The following MYOM1 variants were observed in gnomAD, a reference collection of about 807,000 sequenced individuals.
The protein encoded by MYOM1 is myomesin 1.
Under a neutral mutation model 205.3 loss-of-function variants are expected in MYOM1, and 164 were observed. The ratio of observed to expected loss-of-function variants is 0.80; its 90% CI spans 0.70 to 0.91. MYOM1 has a LOEUF of 0.91. MYOM1 is among the 40% of genes least tolerant of loss of function. MYOM1 has a pLI of 0.00. For synonymous variants in MYOM1, 772 were observed against 789.4 expected (o/e 0.98, Z 0.37); for missense variants, 2,011 against 2,127.3 (o/e 0.95, Z 1.08).
intron 21 of MYOM1, among the ~76,000 whole-genome samples, chr18:3,114,096 C>T (rs185420681): frequency 6.6e-6 from 1 of 152,256 alleles, no homozygotes; most frequent in East Asian, 1.9e-4. Context: ...AGAAATAATG[C>T]CAGGAAACTG....
the MYOM1 span, among the ~76,000 whole-genome samples, chr18:3,243,449 T>C: frequency 4.2e-4 from 64 of 152,362 alleles, no homozygotes; most frequent in African/African-American, 1.4e-3. Flanking sequence ...TTCCTTGCTG[T>C]TGTTTGGGTA....
chr18:3,159,944 T>C (rs927848317), intron 10 of MYOM1, among the ~76,000 whole-genome samples: 4 of 145,086 alleles, frequency 2.8e-5, no homozygotes, highest in Admixed American at 6.9e-5. Context: ...CTTCTCTCCT[T>C]CCCTCCTTCC....
Position 3,089,523 on chromosome 18 carries a change from C to T in MYOM1, c.4069+14G>A, listed in dbSNP as rs769946266. 2.5e-6 allele frequency: 4 copies of T among 1,598,370 alleles called. No individual in the cohort carries two copies. In the African/African-American group the frequency reaches 5.4e-5, roughly 21 times the overall value. ...AAATTAAAAATTTTCTCTTTATCCA[C>T]GGCCTATTTTTACCTTGTTTCCTGA... is the stretch of plus-strand genomic sequence containing the variant. On this transcript the variant is annotated intron_variant, in intron 28 of 37. Coordinates refer to ENST00000356443, the MANE Select transcript of MYOM1 (RefSeq NM_003803.4).
rs566978814 is a variant in MYOM1, at chr18:3,134,145, A to G, written c.2384+505T>C. 2.8e-4 allele frequency among the ~76,000 whole-genome samples: 43 copies of G among 152,170 alleles called. No homozygotes were observed. The South Asian group carries it at 3.1e-3, about 11-fold the overall frequency. On this transcript the variant is annotated intron_variant, in intron 16 of 37. Coordinates refer to ENST00000356443, the MANE Select transcript of MYOM1 (RefSeq NM_003803.4). ...AGCAATCCGCCCACCTTGGCCTCCC[A>G]AAGTGTTGAGATTACAGGCATGAGC... is the stretch of plus-strand genomic sequence containing the variant.
Position 3,188,721 on chromosome 18 carries a change from A to G in MYOM1, c.771+27T>C, listed in dbSNP as rs146289612. On this transcript the variant is annotated intron_variant, in intron 4 of 37. Coordinates refer to ENST00000356443, the MANE Select transcript of MYOM1 (RefSeq NM_003803.4). The stretch of plus-strand genomic sequence containing the variant: ...TTATGACATGCATTTCCACCTTTGT[A>G]AGTTACTTTAAACTGTCTTTTCTTA... 1.0e-3 allele frequency: 1,576 copies of G among 1,510,420 alleles called. 9 individuals carry two copies. In the African/African-American group the frequency reaches 0.018, roughly 17 times the overall value. The allele number at this position is 1,510,420 out of a possible 1,614,324, so 93.6% of individuals were successfully genotyped here.
At chr18:3,078,665 G>A (rs2079048117) in intron 34 of MYOM1, among the ~76,000 whole-genome samples, 1 of 151,856 alleles carries the variant, frequency 6.6e-6, no homozygotes, top group Admixed American at 6.6e-5. Flanking sequence ...TAAATTCCTG[G>A]CCTCAAGTGA....
At chr18:3,155,414 T>A (rs187726040) in intron 10 of MYOM1, among the ~76,000 whole-genome samples, 2,341 of 152,250 alleles carry the variant, frequency 0.015, 33 homozygotes, top group Non-Finnish European at 0.021. Flanking sequence ...TTGGTAGAGA[T>A]GGGGTTTCAC....
Position 3,176,130 on chromosome 18 carries a change from T to TATA in MYOM1, c.931_933dup (p.Tyr311dup). 6.3e-7 allele frequency: 1 copy of TATA among 1,593,356 alleles called. No individual in the cohort carries two copies. Among genetic ancestry groups the TATA allele is most frequent in the Non-Finnish European group, 8.6e-7 (1 of 1,161,174 alleles). On this transcript the variant is annotated inframe_insertion, in exon 6 of 38. Coordinates refer to ENST00000356443, the MANE Select transcript of MYOM1 (RefSeq NM_003803.4). Reference sequence around the variant, plus strand: ...TGGACATTTATTGGCACCTGGTTTTTATACCTATAACAGAATGGAAACAAA... The same window carrying TATA: ...TGGACATTTATTGGCACCTGGTTTTTATAATACCTATAACAGAATGGAAACAAA...
At chr18:3,097,710 T>A (rs2079323909) in intron 25 of MYOM1, among the ~76,000 whole-genome samples, 1 of 152,156 alleles carries the variant, frequency 6.6e-6, no homozygotes, top group African/African-American at 2.4e-5. Flanking sequence ...CCCAGCCGAA[T>A]GTCAGAGTTT....
rs1042731 is a variant in MYOM1, at chr18:3,066,946, T to C, written c.*316A>G. 0.54 allele frequency: 155,646 copies of C among 290,730 alleles called. 46,119 individuals carry two copies. The highest frequency in any genetic ancestry group is 0.89 in the African/African-American group (41,370 of 46,648). The allele number at this position is 290,730 out of a possible 1,614,324, so 18.0% of individuals were successfully genotyped here. ...GCTTCACAGCTGCAGCAAATCCCAA[T>C]TCGCCCCACGACACATTCGTCTGCC... On this transcript the variant is annotated 3_prime_UTR_variant, in exon 38 of 38. Coordinates refer to ENST00000356443, the MANE Select transcript of MYOM1 (RefSeq NM_003803.4).
chr18:3,174,443 C>T (rs1028474180), intron 6 of MYOM1, among the ~76,000 whole-genome samples: 5 of 151,976 alleles, frequency 3.3e-5, no homozygotes, highest in Non-Finnish European at 7.4e-5. Flanking sequence ...GGAGAGAACA[C>T]CTATAGTTCA....
chr18:3,235,027 G>C, the MYOM1 span, among the ~76,000 whole-genome samples: 1,789 of 151,970 alleles, frequency 0.012, 31 homozygotes, highest in African/African-American at 0.041. Context: ...AAAGTACTGG[G>C]ATTACAGGTG....
intron 10 of MYOM1, among the ~76,000 whole-genome samples, chr18:3,156,852 G>A (rs995628195): frequency 3.9e-5 from 6 of 151,924 alleles, no homozygotes; most frequent in Non-Finnish European, 5.9e-5. Context: ...CTTGTGATCC[G>A]CCCGCCTCGG....
intron 23 of MYOM1, among the ~76,000 whole-genome samples, chr18:3,101,855 G>C (rs2079380370): frequency 6.6e-6 from 1 of 151,966 alleles, no homozygotes; most frequent in African/African-American, 2.4e-5. Context: ...AGAGTTGTTA[G>C]TATTTATTTT....
chr18:3,099,242 T>A (rs1226885903), intron 25 of MYOM1, among the ~76,000 whole-genome samples: 3 of 152,226 alleles, frequency 2.0e-5, no homozygotes. Context: ...CAGTGGTGTG[T>A]GTTTTTAAAT....
In MYOM1 at chr18:3,123,131, C is replaced by T. The variant is rs1022360490; in HGVS notation, c.2992-3136G>A. On this transcript the variant is annotated intron_variant, in intron 19 of 37. Transcript: ENST00000356443. Reference sequence around the variant, plus strand: ...GTGAGCCACCATGCCCCCAGCACCACCACTTTTATTCAATATAGTGCTAAA... The same window carrying T: ...GTGAGCCACCATGCCCCCAGCACCATCACTTTTATTCAATATAGTGCTAAA... 3.9e-5 allele frequency among the ~76,000 whole-genome samples: 6 copies of T among 152,154 alleles called. No homozygotes were observed. In the South Asian group the frequency reaches 1.2e-3, roughly 32 times the overall value.
chr18:3,176,398 T>C (rs2080641562), intron 5 of MYOM1, among the ~76,000 whole-genome samples: 2 of 152,216 alleles, frequency 1.3e-5, no homozygotes, highest in African/African-American at 4.8e-5. Flanking sequence ...CTGAATATCA[T>C]GTAACATAGT....
the MYOM1 span, among the ~76,000 whole-genome samples, chr18:3,238,052 T>C: frequency 3.9e-5 from 6 of 152,184 alleles, no homozygotes; most frequent in Non-Finnish European, 7.3e-5. Context: ...CTTATTTCTG[T>C]TATTATTACA....
In MYOM1 at chr18:3,209,214, G is replaced by A. The variant is rs1455927028; in HGVS notation, c.290+5720C>T. Among the ~76,000 whole-genome samples, 3 of 152,136 alleles carry A rather than the reference G, an allele frequency of 2.0e-5. No homozygotes were observed. Among genetic ancestry groups the A allele is most frequent in the South Asian group, 2.1e-4 (1 of 4,824 alleles). ...GAGTCTCAGAAGATTCATTGTATGC[G>A]CAAAATCTCCACAGACCATTTCACA... On this transcript the variant is annotated intron_variant, in intron 2 of 37. Transcript: ENST00000356443. This position sits in a 1 kb window ranked among gnomAD's most constrained non-coding sequence, Gnocchi z 4.0.
Sources: allele counts gnomAD v4.1 joint callset (sites outside exome capture counted in the v4.1 genomes callset), GRCh38; gene constraint gnomAD v4.1.1; non-coding constraint Gnocchi (gnomAD v3.1); transcripts MANE v1.5; gene names NCBI Gene and HGNC (gene_info 2026-07-23, HGNC 2026-07-21).